The following UTRN variants were observed in gnomAD, a reference collection of about 807,000 sequenced individuals.
UTRN encodes the protein dystrophin-related protein 1.
Under a neutral mutation model 463.9 loss-of-function variants are expected in UTRN, and 283 were observed. That is an observed-to-expected ratio of 0.61 (90% CI 0.55 to 0.67). UTRN has a LOEUF of 0.67. Among genes scored for constraint, UTRN ranks in the 30% least tolerant of loss-of-function variants. UTRN has a pLI of 0.00. For missense variants in UTRN, 3,922 were observed against 4,084.3 expected (o/e 0.96, Z 1.08); for synonymous variants, 1,442 against 1,431.5 (o/e 1.01, Z -0.17).
rs185875503 is a variant in UTRN at position 144,541,766 on chromosome 6, G to T, written c.6520-1029G>T. Among the ~76,000 whole-genome samples, 16 of 152,318 alleles carry T rather than the reference G, an allele frequency of 1.1e-4. No homozygotes were observed. The East Asian group carries it at 3.1e-3, about 29-fold the overall frequency. On this transcript the variant is annotated intron_variant, in intron 45 of 74. Coordinates refer to ENST00000367545, the MANE Select transcript of UTRN (RefSeq NM_007124.3). Reference sequence around the variant, plus strand: ...TCCAGGTAGTGATGGGTACATAAAGGTGGAGCACCTGCTTGGCTTTGAGGG... The same window carrying T: ...TCCAGGTAGTGATGGGTACATAAAGTTGGAGCACCTGCTTGGCTTTGAGGG...
At chr6:144,349,634 A>G (rs1777935398) in intron 2 of UTRN, among the ~76,000 whole-genome samples, 1 of 152,164 alleles carries the variant, frequency 6.6e-6, no homozygotes, top group Non-Finnish European at 1.5e-5. Flanking sequence ...TATATTCATC[A>G]TGGTACTTGA....
intron 2 of UTRN, among the ~76,000 whole-genome samples, chr6:144,355,021 G>A (rs899836630): frequency 6.6e-6 from 1 of 151,978 alleles, no homozygotes; most frequent in Non-Finnish European, 1.5e-5. Context: ...CTAGCTCCTG[G>A]CACGTTTTTT....
rs771634141 is a variant in UTRN at position 144,482,394 on chromosome 6, C to CTAT, written c.3687+17_3687+19dup. The CTAT allele has an allele frequency of 1.3e-5, 19 of 1,423,278 alleles. No homozygotes were observed. The highest frequency in any genetic ancestry group is 1.7e-5 in the Non-Finnish European group (18 of 1,089,136). 88.2% of individuals were successfully genotyped at this position (1,423,278 alleles called of 1,614,324 possible). ...GAAAGTGCCACACGCTAGAGGTATG[C>CTAT]TATTATTATTATTGTTGTTATTATT... On this transcript the variant is annotated splice_region_variant and intron_variant, in intron 27 of 74. Coordinates refer to ENST00000367545, the MANE Select transcript of UTRN (RefSeq NM_007124.3).
chr6:144,537,073 C>A (rs936445717), intron 43 of UTRN, among the ~76,000 whole-genome samples: 1 of 151,988 alleles, frequency 6.6e-6, no homozygotes, highest in Non-Finnish European at 1.5e-5. Flanking sequence ...TAAGATTCTC[C>A]CATTCTTGAT....
chr6:144,499,511 C>A, intron 34 of UTRN, 84 bp downstream of exon 34: 1 of 1,179,328 alleles, frequency 8.5e-7, no homozygotes, highest in African/African-American at 1.5e-5. Context: ...ATACCATGTC[C>A]CTCCATTTTA....
intron 2 of UTRN, among the ~76,000 whole-genome samples, chr6:144,351,363 G>A (rs145070227): frequency 6.6e-6 from 1 of 152,270 alleles, no homozygotes; most frequent in East Asian, 1.9e-4. Flanking sequence ...TTACCAGTGT[G>A]TCCTCGTCCT....
At chr6:144,534,927 A>G (rs557295715) in intron 43 of UTRN, among the ~76,000 whole-genome samples, 19 of 152,316 alleles carry the variant, frequency 1.2e-4, no homozygotes, top group Admixed American at 1.1e-3. Context: ...GGAGGCATAA[A>G]TAGCATCGTC....
chr6:144,619,301 G>A (rs576427303), intron 51 of UTRN, among the ~76,000 whole-genome samples: 26 of 152,240 alleles, frequency 1.7e-4, no homozygotes, highest in African/African-American at 6.3e-4. Flanking sequence ...GTAAAGTACA[G>A]CTGTTTTTTA....
intron 74 of UTRN, among the ~76,000 whole-genome samples, chr6:144,849,048 G>A (rs966091173): frequency 2.2e-4 from 33 of 152,058 alleles, no homozygotes; most frequent in Admixed American, 2.6e-4. Flanking sequence ...TATGAGGGAA[G>A]CTGTGTCTTC....
chr6:144,830,145 G>A (rs1448830855), intron 69 of UTRN, among the ~76,000 whole-genome samples: 1 of 152,092 alleles, frequency 6.6e-6, no homozygotes, highest in Non-Finnish European at 1.5e-5. Flanking sequence ...GTCATGCCCT[G>A]TGAACACAGT....
intron 58 of UTRN, among the ~76,000 whole-genome samples, chr6:144,759,092 G>T (rs1586422870): frequency 6.6e-6 from 1 of 152,072 alleles, no homozygotes; most frequent in African/African-American, 2.4e-5. Flanking sequence ...TAAAAAACAG[G>T]TTTGCATAAT....
chr6:144,301,091 T>A (rs1411647775), intron 2 of UTRN, among the ~76,000 whole-genome samples: 1 of 152,184 alleles, frequency 6.6e-6, no homozygotes, highest in Non-Finnish European at 1.5e-5. Context: ...ACTGTGTGTG[T>A]TCTAGTTTAC....
chr6:144,364,335 C>A (rs906502848), intron 2 of UTRN, among the ~76,000 whole-genome samples: 3 of 152,126 alleles, frequency 2.0e-5, no homozygotes, highest in Non-Finnish European at 2.9e-5. Flanking sequence ...ACCTGCTTCT[C>A]CCCACTGTCT....
In UTRN at chr6:144,318,156, T is replaced by C. The variant is rs1775403762; in HGVS notation, c.79+26249T>C. On this transcript the variant is annotated intron_variant, in intron 2 of 74. Transcript: ENST00000367545. ...CTGTTAACGATGAAGTGCTGTGGAC[T>C]TCTCTGTAACTCCCAATTCTTCAAA... 1.3e-5 allele frequency among the ~76,000 whole-genome samples: 2 copies of C among 152,206 alleles called. 1 individual carries two copies. The highest frequency in any genetic ancestry group is 1.3e-4 in the Admixed American group (2 of 15,268).
At position 144,548,720 on chromosome 6, in the gene UTRN, T is replaced by C. The variant is rs780756341; in HGVS notation, c.6676T>C (p.Ser2226Pro). Residue 2226 changes from serine to proline, a missense_variant, in exon 47 of 75, where the codon TCA (serine) becomes CCA (proline). Coordinates refer to ENST00000367545, the MANE Select transcript of UTRN (RefSeq NM_007124.3). ...TCAGTCTCATCGTACTTCGGAAATT[T>C]CAATTCCTGCTGATCTTGATAAAAC... Reference protein sequence around the residue: ...PVQSHRTSEISIPADLDKTIT... With the variant: ...PVQSHRTSEIPIPADLDKTIT... 16 of 1,613,944 alleles carry C rather than the reference T, an allele frequency of 9.9e-6. No individual in the cohort carries two copies. Among genetic ancestry groups the C allele is most frequent in the Middle Eastern group, 1.6e-4 (1 of 6,084 alleles).
chr6:144,534,743 A>G (rs1797378342), intron 43 of UTRN, among the ~76,000 whole-genome samples: 1 of 152,210 alleles, frequency 6.6e-6, no homozygotes, highest in Admixed American at 6.5e-5. Flanking sequence ...AAAATGATGA[A>G]AGAAAACATC....
intron 66 of UTRN, among the ~76,000 whole-genome samples, chr6:144,824,244 G>T (rs2128754277): frequency 6.6e-6 from 1 of 151,878 alleles, no homozygotes; most frequent in South Asian, 2.1e-4. Context: ...GGGAGCCTTT[G>T]GGGGTCTTTG....
intron 1 of UTRN, among the ~76,000 whole-genome samples, chr6:144,289,376 C>CTA (rs1804008328): frequency 6.6e-6 from 1 of 152,210 alleles, no homozygotes; most frequent in Admixed American, 6.5e-5. Flanking sequence ...TTCTTTCTAT[C>CTA]TACTCTTGTT....
chr6:144,484,460 G>A (rs1350718226), intron 27 of UTRN, among the ~76,000 whole-genome samples: 1 of 9,886 alleles, frequency 1.0e-4, no homozygotes, highest in South Asian at 2.7e-3. Flanking sequence ...TTTTTTTTTT[G>A]AGATGGAGTT....
Sources: gnomAD v4.1 joint callset for allele counts (sites outside exome capture counted in the v4.1 genomes callset) on GRCh38, gnomAD v4.1.1 for gene constraint, MANE v1.5 for transcripts, NCBI Gene and HGNC (gene_info 2026-07-23, HGNC 2026-07-21) for gene names.